FBXW7: variants seen among roughly 807,000 people sequenced by gnomAD.
FBXW7 encodes the protein F-box/WD repeat-containing protein 7.
A neutral mutation model predicts 86.3 loss-of-function variants in FBXW7; 11 were observed. The ratio of observed to expected loss-of-function variants is 0.13; its 90% CI spans 0.08 to 0.21. FBXW7 has a LOEUF of 0.21. FBXW7 is among the 10% of genes least tolerant of loss of function. The pLI is 1.00. For missense variants in FBXW7, 488 were observed against 847.4 expected (o/e 0.58, Z 5.27); for synonymous variants, 313 against 297.9 (o/e 1.05, Z -0.52).
chr4:152,508,010 G>A (rs1712867907), intron 2 of FBXW7, among the ~76,000 whole-genome samples: 1 of 151,862 alleles, frequency 6.6e-6, no homozygotes, highest in South Asian at 2.1e-4. Context: ...CCAGGTTGCA[G>A]TGAGCTATGA....
chr4:152,513,477 A>C lies in FBXW7; in HGVS notation c.-120+21464T>G, dbSNP rs544159602. ...CCCGAGAAAAAGAATACATAAATTTAAACAAAGAGGTAAAAGAATTGTCAA... is the reference window on the plus strand; with the variant it reads ...CCCGAGAAAAAGAATACATAAATTTCAACAAAGAGGTAAAAGAATTGTCAA... On this transcript the variant is annotated intron_variant, in intron 2 of 13. Transcript: ENST00000281708. Among the ~76,000 whole-genome samples the C allele has an allele frequency of 1.2e-4, 18 of 152,358 alleles. No homozygotes were observed. In the East Asian group the frequency reaches 3.1e-3, roughly 26 times the overall value.
intron 4 of FBXW7, among the ~76,000 whole-genome samples, chr4:152,404,821 G>T (rs1174398907): frequency 6.6e-6 from 1 of 152,048 alleles, no homozygotes; most frequent in Non-Finnish European, 1.5e-5. Flanking sequence ...GCTGGGGCAT[G>T]GTGGCTCATA....
intron 11 of FBXW7, among the ~76,000 whole-genome samples, chr4:152,327,752 A>G (rs921963132): frequency 2.6e-5 from 4 of 152,074 alleles, no homozygotes; most frequent in Non-Finnish European, 5.9e-5. Context: ...TCAGAATGAG[A>G]GAACAAATTA....
chr4:152,490,595 A>C (rs1745751269), intron 2 of FBXW7, among the ~76,000 whole-genome samples: 1 of 152,094 alleles, frequency 6.6e-6, no homozygotes. Context: ...AAACCCTGGC[A>C]GTCTGACTCT....
intron 2 of FBXW7, among the ~76,000 whole-genome samples, chr4:152,487,140 A>C (rs1278898422): frequency 6.6e-6 from 1 of 152,212 alleles, no homozygotes; most frequent in East Asian, 1.9e-4. Flanking sequence ...ATAGATGTAG[A>C]AAATCATTTT....
At chr4:152,503,990 C>T (rs765254085) in intron 2 of FBXW7, among the ~76,000 whole-genome samples, 2 of 152,178 alleles carry the variant, frequency 1.3e-5, no homozygotes, top group Non-Finnish European at 2.9e-5. Context: ...GTGTTCTTTG[C>T]TCACTGGGTA....
intron 2 of FBXW7, among the ~76,000 whole-genome samples, chr4:152,440,835 G>A (rs1335209863): frequency 6.6e-6 from 1 of 152,018 alleles, no homozygotes; most frequent in Non-Finnish European, 1.5e-5. Flanking sequence ...TTTGGACCCT[G>A]ACTGTTCACA....
chr4:152,351,685 C>T (rs1731832796), intron 4 of FBXW7, among the ~76,000 whole-genome samples: 2 of 152,008 alleles, frequency 1.3e-5, no homozygotes, highest in African/African-American at 4.8e-5. Context: ...TTTTTGATAA[C>T]TTCCACAAAT....
At chr4:152,434,208 A>T (rs933508656) in intron 2 of FBXW7, among the ~76,000 whole-genome samples, 1 of 152,226 alleles carries the variant, frequency 6.6e-6, no homozygotes, top group Non-Finnish European at 1.5e-5. Context: ...TCGTACGGAC[A>T]GCTGAGTTTC....
At position 152,521,577 on chromosome 4, in the gene FBXW7, T is replaced by C. The variant is rs146164183; in HGVS notation, c.-120+13364A>G. Among the ~76,000 whole-genome samples, 585 of 152,168 alleles carry C rather than the reference T, an allele frequency of 3.8e-3. 5 individuals carry two copies. Among genetic ancestry groups the C allele is most frequent in the Non-Finnish European group, 6.5e-3 (443 of 67,998 alleles). On this transcript the variant is annotated intron_variant, in intron 2 of 13. Coordinates refer to ENST00000281708, the MANE Select transcript of FBXW7 (RefSeq NM_001349798.2). ...CAAAGATAATACACAACCCTGTAAA[T>C]AGCAGAAAAGTCAGTACATTCAAAT...
At position 152,343,732 on chromosome 4, in the gene FBXW7, A is replaced by G. The variant is rs144676669; in HGVS notation, c.726+3198T>C. On this transcript the variant is annotated intron_variant, in intron 6 of 13. Transcript: ENST00000281708. ...TATAAACAAGCCAAAAAAATGACCA[A>G]CTCGCTTCCCTAAATTAACTGAAGC... Among the ~76,000 whole-genome samples, 5 of 152,188 alleles carry G rather than the reference A, an allele frequency of 3.3e-5. No individual in the cohort carries two copies. In the South Asian group the frequency reaches 6.2e-4, roughly 19 times the overall value.
chr4:152,388,084 GT>G (rs142487644), intron 4 of FBXW7, among the ~76,000 whole-genome samples: 2,418 of 151,972 alleles, frequency 0.016, 75 homozygotes, highest in African/African-American at 0.055. Flanking sequence ...AAATTAAAAT[GT>G]TTTTATAAGA....
intron 2 of FBXW7, among the ~76,000 whole-genome samples, chr4:152,507,806 C>G (rs2149709654): frequency 6.6e-6 from 1 of 152,072 alleles, no homozygotes; most frequent in African/African-American, 2.4e-5. Context: ...AATCCCAGCA[C>G]TTTGGGAGAC....
At chr4:152,366,929 T>A (rs969583460) in intron 4 of FBXW7, among the ~76,000 whole-genome samples, 1 of 152,154 alleles carries the variant, frequency 6.6e-6, no homozygotes, top group Non-Finnish European at 1.5e-5. Context: ...ATATACATCA[T>A]GGAATACTAT....
chr4:152,470,853 G>T (rs1743890000), intron 2 of FBXW7, among the ~76,000 whole-genome samples: 1 of 152,028 alleles, frequency 6.6e-6, no homozygotes, highest in Non-Finnish European at 1.5e-5. Context: ...AGCTGCATTT[G>T]ATGATAAAAC....
chr4:152,470,473 A>G (rs1275326971), intron 2 of FBXW7, among the ~76,000 whole-genome samples: 1 of 152,106 alleles, frequency 6.6e-6, no homozygotes, highest in Non-Finnish European at 1.5e-5. Flanking sequence ...GTGGGAAAAT[A>G]TTTCACACAG....
rs554133770 is a variant in FBXW7, at chr4:152,444,630, G to T, written c.-119-32101C>A. Among the ~76,000 whole-genome samples the T allele has an allele frequency of 6.6e-5, 10 of 152,302 alleles. No individual in the cohort carries two copies. In the South Asian group the frequency reaches 2.1e-3, roughly 32 times the overall value. On this transcript the variant is annotated intron_variant, in intron 2 of 13. Coordinates refer to ENST00000281708, the MANE Select transcript of FBXW7 (RefSeq NM_001349798.2). ...TAAACAAATTCTTAAAGGAAAAGCTGCAAGGCATAGAAACAAGGTAAAACA... is the reference window on the plus strand; with the variant it reads ...TAAACAAATTCTTAAAGGAAAAGCTTCAAGGCATAGAAACAAGGTAAAACA...
At chr4:152,367,397 C>T (rs1402129293) in intron 4 of FBXW7, among the ~76,000 whole-genome samples, 1 of 152,010 alleles carries the variant, frequency 6.6e-6, no homozygotes, top group Non-Finnish European at 1.5e-5. Flanking sequence ...ATATGTTACA[C>T]AAAATTGCCT....
intron 11 of FBXW7, among the ~76,000 whole-genome samples, chr4:152,326,956 A>G (rs1729088742): frequency 6.6e-6 from 1 of 152,154 alleles, no homozygotes; most frequent in African/African-American, 2.4e-5. Flanking sequence ...CATCTTTAAA[A>G]ACAATGGCTA....
Sources: allele counts gnomAD v4.1 joint callset (sites outside exome capture counted in the v4.1 genomes callset), GRCh38; gene constraint gnomAD v4.1.1; transcripts MANE v1.5; gene names NCBI Gene and HGNC (gene_info 2026-07-23, HGNC 2026-07-21).